PLCB1: variants seen among roughly 807,000 people sequenced by gnomAD.
PLCB1 encodes the protein 1-phosphatidylinositol 4,5-bisphosphate phosphodiesterase beta-1.
In PLCB1, 46 loss-of-function variants were observed where a neutral mutation model predicts 161.8. That is an observed-to-expected ratio of 0.28 (90% CI 0.22 to 0.36). The LOEUF (loss-of-function observed/expected upper bound fraction) is 0.36, where lower values mean the gene tolerates loss of function less well. Among genes scored for constraint, PLCB1 ranks in the 10% least tolerant of loss-of-function variants. The pLI is 1.00. For synonymous variants in PLCB1, 517 were observed against 503.7 expected (o/e 1.03, Z -0.35); for missense variants, 1,016 against 1,472.5 (o/e 0.69, Z 5.07).
intron 5 of PLCB1, among the ~76,000 whole-genome samples, chr20:8,647,005 A>G (rs1008188817): frequency 6.6e-6 from 1 of 152,144 alleles, no homozygotes; most frequent in African/African-American, 2.4e-5. Flanking sequence ...CCTCAGCCAC[A>G]TTCCTTTATT....
intron 3 of PLCB1, among the ~76,000 whole-genome samples, chr20:8,407,911 T>C (rs1978857433): frequency 6.6e-6 from 1 of 151,968 alleles, no homozygotes; most frequent in South Asian, 2.1e-4. Context: ...CTGAGCAGGA[T>C]TCCTTAAAAC....
At chr20:8,867,311 C>A (rs1189104272) in intron 31 of PLCB1, among the ~76,000 whole-genome samples, 1 of 152,226 alleles carries the variant, frequency 6.6e-6, no homozygotes, top group African/African-American at 2.4e-5. Flanking sequence ...TTTGGAGACC[C>A]AAGACTTCCT....
At chr20:8,245,926 C>T (rs1177664669) in intron 2 of PLCB1, among the ~76,000 whole-genome samples, 1 of 151,872 alleles carries the variant, frequency 6.6e-6, no homozygotes, top group Non-Finnish European at 1.5e-5. Flanking sequence ...AAATAATTTT[C>T]ACAAAATCAG....
intron 3 of PLCB1, among the ~76,000 whole-genome samples, chr20:8,401,722 A>G (rs931122760): frequency 3.3e-5 from 5 of 152,202 alleles, no homozygotes; most frequent in African/African-American, 9.6e-5. Context: ...TTGCTGTGGC[A>G]GGAGAAAACA....
chr20:8,371,568 T>C, intron 3 of PLCB1, 118 bp downstream of exon 3: 1 of 646,302 alleles, frequency 1.5e-6, no homozygotes, highest in Non-Finnish European at 2.7e-6. Flanking sequence ...TAAAACACAA[T>C]AGCCAGTATG....
intron 2 of PLCB1, among the ~76,000 whole-genome samples, chr20:8,180,038 T>A (rs930595588): frequency 1.3e-5 from 2 of 151,532 alleles, no homozygotes; most frequent in Admixed American, 6.6e-5. Flanking sequence ...TTTTGTATTT[T>A]TAGTGGAGAT....
chr20:8,223,264 T>C (rs1979509608), intron 2 of PLCB1, among the ~76,000 whole-genome samples: 1 of 152,132 alleles, frequency 6.6e-6, no homozygotes, highest in Non-Finnish European at 1.5e-5. Flanking sequence ...TCTTTGAACA[T>C]TTATATTGTC....
intron 2 of PLCB1, among the ~76,000 whole-genome samples, chr20:8,228,222 G>A (rs912226506): frequency 1.3e-5 from 2 of 151,582 alleles, no homozygotes; most frequent in Non-Finnish European, 2.9e-5. Flanking sequence ...AATAACAATC[G>A]GCCCATACAA....
intron 3 of PLCB1, among the ~76,000 whole-genome samples, chr20:8,411,551 A>G (rs1979043848): frequency 1.3e-5 from 2 of 152,152 alleles, no homozygotes; most frequent in African/African-American, 4.8e-5. Flanking sequence ...GAAAGAGTAG[A>G]CTTTTATTGG....
chr20:8,452,227 C>G (rs755008391), intron 3 of PLCB1, among the ~76,000 whole-genome samples: 26 of 152,002 alleles, frequency 1.7e-4, no homozygotes, highest in Admixed American at 4.6e-4. Context: ...AGAGATTATT[C>G]CTTTTAACTT....
rs563791103 is a variant in PLCB1, at chr20:8,697,797, A to G, written c.1167+14A>G. On this transcript the variant is annotated intron_variant, in intron 11 of 31. Coordinates refer to ENST00000338037, the MANE Select transcript of PLCB1 (RefSeq NM_015192.4). The stretch of plus-strand genomic sequence containing the variant: ...ATATCTTTCAAGGTAGAGTATATGA[A>G]TGTTACTAAGAGAGGCAGCTGGAGA... The G allele has an allele frequency of 4.7e-5, 76 of 1,613,372 alleles. No individual in the cohort carries two copies. The Admixed American group carries it at 1.2e-3, about 26-fold the overall frequency.
chr20:8,772,822 A>G (rs1255509961), intron 26 of PLCB1, among the ~76,000 whole-genome samples: 2 of 152,078 alleles, frequency 1.3e-5, no homozygotes, highest in East Asian at 1.9e-4. Flanking sequence ...AATCCCAGCT[A>G]CGGAGGCTGA....
chr20:8,320,570 G>A (rs538645685), intron 2 of PLCB1, among the ~76,000 whole-genome samples: 108 of 152,208 alleles, frequency 7.1e-4, no homozygotes, highest in African/African-American at 2.5e-3. Context: ...TTCCATATGT[G>A]GTCACTGTTG....
Position 8,174,183 on chromosome 20 carries a change from T to C in PLCB1, c.177+23812T>C, listed in dbSNP as rs568154539. On this transcript the variant is annotated intron_variant, in intron 2 of 31. Coordinates refer to ENST00000338037, the MANE Select transcript of PLCB1 (RefSeq NM_015192.4). The stretch of plus-strand genomic sequence containing the variant: ...ACACCTTAGCAAATCTACACCAAGA[T>C]ACATCATGTGTAAACTTCTGAAAAC... 1.5e-3 allele frequency among the ~76,000 whole-genome samples: 226 copies of C among 152,258 alleles called. 1 individual carries two copies. The highest frequency in any genetic ancestry group is 5.2e-3 in the African/African-American group (218 of 41,558).
Position 8,372,441 on chromosome 20 carries a change from GC to G in PLCB1, c.246+992del, listed in dbSNP as rs1179163984. Among the ~76,000 whole-genome samples the G allele has an allele frequency of 1.4e-4, 21 of 152,274 alleles. No homozygotes were observed. The East Asian group carries it at 3.7e-3, about 27-fold the overall frequency. On this transcript the variant is annotated intron_variant, in intron 3 of 31. Coordinates refer to ENST00000338037, the MANE Select transcript of PLCB1 (RefSeq NM_015192.4). Reference sequence around the variant, plus strand: ...TCTATGACACAGCAAACACACGGCTGCTGGGTTTTTTAATTTTTTAATTTTT... The same window carrying G: ...TCTATGACACAGCAAACACACGGCTGTGGGTTTTTTAATTTTTTAATTTTT...
chr20:8,865,266 T>C (rs936331406), intron 31 of PLCB1, among the ~76,000 whole-genome samples: 1 of 152,214 alleles, frequency 6.6e-6, no homozygotes, highest in Non-Finnish European at 1.5e-5. Context: ...AAGGTAGTTA[T>C]AAAGTACTCA....
intron 2 of PLCB1, among the ~76,000 whole-genome samples, chr20:8,297,072 ACAC>A (rs1459785340): frequency 6.6e-6 from 1 of 151,918 alleles, no homozygotes; most frequent in African/African-American, 2.4e-5. Context: ...ATGCATACAC[ACAC>A]ACCTATATAT....
chr20:8,181,422 TAAAA>T (rs937500529), intron 2 of PLCB1, among the ~76,000 whole-genome samples: 1 of 151,920 alleles, frequency 6.6e-6, no homozygotes, highest in African/African-American at 2.4e-5. Context: ...ATTGTTGAAA[TAAAA>T]AAAGCAATAA....
intron 9 of PLCB1, among the ~76,000 whole-genome samples, chr20:8,660,412 C>G (rs1441085217): frequency 6.6e-6 from 1 of 152,112 alleles, no homozygotes; most frequent in African/African-American, 2.4e-5. Flanking sequence ...AACAACACTT[C>G]TAAAAATCAG....
Sources: allele counts gnomAD v4.1 joint callset (sites outside exome capture counted in the v4.1 genomes callset), GRCh38; gene constraint gnomAD v4.1.1; transcripts MANE v1.5; gene names NCBI Gene and HGNC (gene_info 2026-07-23, HGNC 2026-07-21).